KNTC1: variants seen among roughly 807,000 people sequenced by gnomAD.
KNTC1 encodes the protein kinetochore associated 1, also known as kinetochore-associated protein 1.
In KNTC1, 253 loss-of-function variants were observed where a neutral mutation model predicts 314.4. The observed-to-expected ratio is 0.80, with a 90% CI of 0.73 to 0.89. The LOEUF (loss-of-function observed/expected upper bound fraction) is 0.89, where lower values mean the gene tolerates loss of function less well. Among genes scored for constraint, KNTC1 ranks in the 40% least tolerant of loss-of-function variants. KNTC1 has a pLI of 0.00. For missense variants in KNTC1, 2,475 were observed against 2,572.9 expected (o/e 0.96, Z 0.82); for synonymous variants, 901 against 901.4 (o/e 1.00, Z 0.01).
intron 43 of KNTC1, 24 bp from the exon 44 acceptor site, chr12:122,597,707 G>C: frequency 6.3e-7 from 1 of 1,598,090 alleles, no homozygotes; most frequent in South Asian, 1.1e-5. Context: ...TGGGAGACTG[G>C]TGTGTATTGA....
In KNTC1 at chr12:122,620,617, C is replaced by T. The variant is rs907638567; in HGVS notation, c.6279+9C>T. The stretch of plus-strand genomic sequence containing the variant: ...GACACCAGCAAATTAAGGTATCGTG[C>T]ACATGATTCCTCTGGGCTGCCAAGG... On this transcript the variant is annotated intron_variant, in intron 60 of 63. Transcript: ENST00000333479. 2.0e-5 allele frequency: 32 copies of T among 1,611,718 alleles called. No homozygotes were observed. Among genetic ancestry groups the T allele is most frequent in the Non-Finnish European group, 2.7e-5 (32 of 1,178,586 alleles).
chr12:122,536,969 T>C (rs58459934), intron 3 of KNTC1, among the ~76,000 whole-genome samples: 5,832 of 152,312 alleles, frequency 0.038, 397 homozygotes, highest in African/African-American at 0.13. Flanking sequence ...CCTTGACGTA[T>C]TGACCCTGAT....
chr12:122,567,570 G>A (rs1198681846), intron 20 of KNTC1, among the ~76,000 whole-genome samples: 1 of 152,070 alleles, frequency 6.6e-6, no homozygotes, highest in Non-Finnish European at 1.5e-5. Flanking sequence ...TGGGCACGGT[G>A]GCTCATGCCT....
chr12:122,623,196 G>T (rs1045485642), intron 62 of KNTC1, among the ~76,000 whole-genome samples: 1 of 152,124 alleles, frequency 6.6e-6, no homozygotes, highest in Non-Finnish European at 1.5e-5. Flanking sequence ...CTAGACACTT[G>T]CTCAGAACAT....
At position 122,597,909 on chromosome 12, in the gene KNTC1, G is replaced by A. The variant is rs1871283637; in HGVS notation, c.4534G>A (p.Val1512Ile). The A allele has an allele frequency of 6.2e-7, 1 of 1,613,986 alleles. No homozygotes were observed. The highest frequency in any genetic ancestry group is 8.5e-7 in the Non-Finnish European group (1 of 1,179,886). The change falls in exon 44 of 64, where the codon GTC (valine) becomes ATC (isoleucine). Residue 1512 changes from valine to isoleucine, a missense_variant. Coordinates refer to ENST00000333479, the MANE Select transcript of KNTC1 (RefSeq NM_014708.6). Reference protein sequence around the residue: ...VPLLTSTKDLVISLSGILHKL... With the variant: ...VPLLTSTKDLIISLSGILHKL... Reference sequence around the variant, plus strand: ...TTTACTGACGAGCACAAAAGATTTGGTCATCAGTCTTAGTGGAATACTACA... The same window carrying A: ...TTTACTGACGAGCACAAAAGATTTGATCATCAGTCTTAGTGGAATACTACA...
At chr12:122,588,519 C>G (rs759849517) in intron 39 of KNTC1, among the ~76,000 whole-genome samples, 193 bp from the exon 40 acceptor site, 25 of 152,128 alleles carry the variant, frequency 1.6e-4, no homozygotes, top group Admixed American at 4.6e-4. Flanking sequence ...ACAGTGAAGA[C>G]TTAGGGTATT....
rs777652354 is a variant in KNTC1, at chr12:122,582,910, A to C, written c.3188A>C (p.Lys1063Thr). 6.2e-7 allele frequency: 1 copy of C among 1,613,600 alleles called. No individual in the cohort carries two copies. The highest frequency in any genetic ancestry group is 2.2e-5 in the East Asian group (1 of 44,882). ...HRQALALQMS[K>T]QELEAELTLR... is the part of the protein sequence containing the mutation. ...CAGGCACTGGCCCTGCAGATGTCCA[A>C]ACAAGAGCTGGAGGCAGAGCTGACC... The change falls in exon 34 of 64, where the codon AAA (lysine) becomes ACA (threonine). Residue 1063 changes from lysine to threonine, a missense_variant. Transcript: ENST00000333479.
chr12:122,599,635 G>A (rs186332221), intron 44 of KNTC1, among the ~76,000 whole-genome samples: 1 of 152,262 alleles, frequency 6.6e-6, no homozygotes, highest in African/African-American at 2.4e-5. Context: ...ACAGGCATGA[G>A]CCACTGTGCC....
chr12:122,562,518 TTGTGA>T, intron 19 of KNTC1, 115 bp from the exon 20 acceptor site: 2 of 644,684 alleles, frequency 3.1e-6, no homozygotes, highest in Admixed American at 2.3e-5. Flanking sequence ...GGGAATTGAG[TTGTGA>T]TGTGAGATAA....
At chr12:122,540,138 T>G (rs113276290) in intron 5 of KNTC1, among the ~76,000 whole-genome samples, 7,703 of 151,604 alleles carry the variant, frequency 0.051, 628 homozygotes, top group African/African-American at 0.18. Context: ...GTTAATAAAT[T>G]ATATAAAATC....
At chr12:122,541,287 G>GCCTGCCTTCCTT (rs758235054) in intron 5 of KNTC1, among the ~76,000 whole-genome samples, 32,446 of 120,588 alleles carry the variant, frequency 0.27, 5,377 homozygotes, top group Non-Finnish European at 0.33. Flanking sequence ...CTGCCTGCCT[G>GCCTGCCTTCCTT]CCTTCCTTCC....
chr12:122,578,930 C>T (rs564551787), intron 31 of KNTC1, among the ~76,000 whole-genome samples: 2 of 149,630 alleles, frequency 1.3e-5, no homozygotes, highest in African/African-American at 4.9e-5. Flanking sequence ...GTATTAAGTT[C>T]AAAAACCAAA....
chr12:122,576,819 T>G, intron 29 of KNTC1, 76 bp from the exon 30 acceptor site: 1 of 1,244,680 alleles, frequency 8.0e-7, no homozygotes, highest in Non-Finnish European at 1.1e-6. Context: ...TTTTGCCACT[T>G]TGCTCTTATA....
chr12:122,561,848 C>T (rs766412514), intron 18 of KNTC1, 73 bp from the exon 19 acceptor site: 5 of 1,303,730 alleles, frequency 3.8e-6, no homozygotes, highest in South Asian at 1.4e-5. Context: ...TTTGTTATTT[C>T]ACAGAAAATC....
Position 122,602,764 on chromosome 12 carries a change from G to A in KNTC1, c.4825+24G>A, listed in dbSNP as rs747505695. The A allele has an allele frequency of 3.1e-6, 5 of 1,612,148 alleles. No individual in the cohort carries two copies. In the Admixed American group the frequency reaches 8.4e-5, roughly 27 times the overall value. On this transcript the variant is annotated intron_variant, in intron 46 of 63. Coordinates refer to ENST00000333479, the MANE Select transcript of KNTC1 (RefSeq NM_014708.6). The stretch of plus-strand genomic sequence containing the variant: ...CTGTATGTGTTCATTAACTTTTTAT[G>A]AATTTTACTGGATAGCCAAATTTTT...
chr12:122,562,638 G>T lies in KNTC1; in HGVS notation c.1543G>T (p.Val515Leu). 1 of 1,569,688 alleles carries T rather than the reference G, an allele frequency of 6.4e-7. No individual in the cohort carries two copies. The highest frequency in any genetic ancestry group is 8.8e-7 in the Non-Finnish European group (1 of 1,141,162). ...GATTATTAAATTATTTTTTCTTCAG[G>T]TGCTAAGAGCTCATGCAAAATTGAC... is the stretch of plus-strand genomic sequence containing the variant. Reference protein sequence around the residue: ...ALIYSDGLKEVLRAHAKLTTF... With the variant: ...ALIYSDGLKELLRAHAKLTTF... Residue 515 changes from valine to leucine, a missense_variant and splice_region_variant, in exon 20 of 64, where the codon GTG becomes TTG. Transcript: ENST00000333479.
intron 2 of KNTC1, among the ~76,000 whole-genome samples, chr12:122,533,524 C>T (rs543283599): frequency 2.6e-5 from 4 of 152,086 alleles, no homozygotes; most frequent in South Asian, 2.1e-4. Flanking sequence ...GTGAAAACCC[C>T]GTCTCTATAA....
intron 39 of KNTC1, 32 bp downstream of exon 39, chr12:122,587,906 G>A (rs1411457034): frequency 6.3e-7 from 1 of 1,587,956 alleles, no homozygotes; most frequent in Non-Finnish European, 8.6e-7. Flanking sequence ...CTTTGACTTG[G>A]GGTGAATATA....
Position 122,573,216 on chromosome 12 carries a change from G to C in KNTC1, c.2214G>C (p.Glu738Asp), listed in dbSNP as rs17883249. ...LAPELIPSIL[E>D]KFIRVYMREH... ...CAGAGCTTATTCCCTCCATCTTAGA[G>C]AAGTTTATAAGAGTTTACATGAGAG... Residue 738 changes from glutamate to aspartate, a missense_variant, in exon 26 of 64, where the codon GAG becomes GAC. Coordinates refer to ENST00000333479, the MANE Select transcript of KNTC1 (RefSeq NM_014708.6). 3,821 of 1,613,808 alleles carry C rather than the reference G, an allele frequency of 2.4e-3. 4 individuals carry two copies. Among genetic ancestry groups the C allele is most frequent in the Non-Finnish European group, 2.7e-3 (3,226 of 1,179,756 alleles).
Sources: allele counts gnomAD v4.1 joint callset (sites outside exome capture counted in the v4.1 genomes callset), GRCh38; gene constraint gnomAD v4.1.1; transcripts MANE v1.5; gene names NCBI Gene and HGNC (gene_info 2026-07-23, HGNC 2026-07-21).